GLIS3: variants seen among roughly 807,000 people sequenced by gnomAD.
The protein encoded by GLIS3 is GLIS family zinc finger 3.
Under a neutral mutation model 78.6 loss-of-function variants are expected in GLIS3, and 53 were observed. The ratio of observed to expected loss-of-function variants is 0.67; its 90% CI spans 0.54 to 0.85. GLIS3 has a LOEUF of 0.85. Ranked by LOEUF, GLIS3 falls within the 40% of genes least tolerant of loss-of-function variation. The pLI is 0.00. For synonymous variants in GLIS3, 684 were observed against 509.9 expected, an observed-to-expected ratio of 1.34 and a Z score of -4.60; for missense variants, 1,703 against 1,231.1, an observed-to-expected ratio of 1.38 and a Z score of -5.74.
chr9:4,358,063 A>G, the GLIS3 span, among the ~76,000 whole-genome samples: 4 of 152,208 alleles, frequency 2.6e-5, no homozygotes, highest in Non-Finnish European at 5.9e-5. Flanking sequence ...TGAGAAAAGC[A>G]AGGACAAGGG....
At chr9:4,439,709 G>A in the GLIS3 span, among the ~76,000 whole-genome samples, 1 of 152,164 alleles carries the variant, frequency 6.6e-6, no homozygotes, top group Admixed American at 6.5e-5. Context: ...GTCTCACTCT[G>A]TTGTCCAGGC....
At chr9:4,385,526 G>A in the GLIS3 span, among the ~76,000 whole-genome samples, 5 of 151,908 alleles carry the variant, frequency 3.3e-5, no homozygotes, top group African/African-American at 1.2e-4. Context: ...TTAGCCAGGT[G>A]TAGTGATGGG....
intron 2 of GLIS3, among the ~76,000 whole-genome samples, chr9:4,218,682 G>C (rs963840157): frequency 3.9e-5 from 6 of 152,082 alleles, no homozygotes; most frequent in African/African-American, 1.4e-4. Context: ...TAGTGCAAAT[G>C]GGAAAAAACT....
intron 4 of GLIS3, among the ~76,000 whole-genome samples, chr9:3,997,172 C>T (rs1168832762): frequency 6.6e-6 from 1 of 152,066 alleles, no homozygotes; most frequent in Non-Finnish European, 1.5e-5. Flanking sequence ...CATGGAAAAA[C>T]CCCGTCTCTA....
At chr9:4,352,590 C>T (rs781313640), upstream of GLIS3, among the ~76,000 whole-genome samples, 3 of 152,244 alleles carry the variant, frequency 2.0e-5, no homozygotes, top group Non-Finnish European at 4.4e-5. Context: ...GGTTAGGCTA[C>T]TTCTGTAGAG....
At chr9:4,228,198 C>CAA (rs59507597) in intron 2 of GLIS3, among the ~76,000 whole-genome samples, 9,335 of 106,740 alleles carry the variant, frequency 0.087, 1,264 homozygotes, top group African/African-American at 0.33. Context: ...TCTAAGGTGG[C>CAA]AAAAAAAAAA....
chr9:4,437,608 C>A, the GLIS3 span, among the ~76,000 whole-genome samples: 10 of 152,150 alleles, frequency 6.6e-5, no homozygotes, highest in Non-Finnish European at 1.0e-4. Flanking sequence ...GACCTCTGAA[C>A]AACATGGGCT....
intron 6 of GLIS3, among the ~76,000 whole-genome samples, chr9:3,918,503 A>C (rs1371635539): frequency 1.3e-5 from 2 of 152,188 alleles, no homozygotes; most frequent in Non-Finnish European, 2.9e-5. Context: ...GGCCGTCTTC[A>C]TGGTACCTTA....
At position 4,213,410 on chromosome 9, in the gene GLIS3, T is replaced by C. The variant is rs571224288; in HGVS notation, c.388+72628A>G. ...CCTTTGCAATGGAAGTATCCCCATGTTGATTTTCTCTGTCTTGTCACTAAA... is the reference window on the plus strand; with the variant it reads ...CCTTTGCAATGGAAGTATCCCCATGCTGATTTTCTCTGTCTTGTCACTAAA... On this transcript the variant is annotated intron_variant, in intron 2 of 10. Coordinates refer to ENST00000381971, the MANE Select transcript of GLIS3 (RefSeq NM_001042413.2). Among the ~76,000 whole-genome samples the C allele has an allele frequency of 3.9e-5, 6 of 152,340 alleles. No individual in the cohort carries two copies. In the East Asian group the frequency reaches 1.2e-3, roughly 29 times the overall value.
chr9:4,196,347 G>C (rs1389722595), intron 2 of GLIS3, among the ~76,000 whole-genome samples: 2 of 152,156 alleles, frequency 1.3e-5, no homozygotes, highest in South Asian at 2.1e-4. Flanking sequence ...GGTGGGGTCA[G>C]ATAAGGGAAT....
chr9:4,328,857 T>G (rs1817641034), intron 2 of GLIS3, among the ~76,000 whole-genome samples: 1 of 152,152 alleles, frequency 6.6e-6, no homozygotes, highest in South Asian at 2.1e-4. Context: ...CCAATAAATG[T>G]TCACTGTTAT....
chr9:4,327,359 G>A (rs1817616664), intron 2 of GLIS3, among the ~76,000 whole-genome samples: 1 of 152,136 alleles, frequency 6.6e-6, no homozygotes, highest in South Asian at 2.1e-4. Context: ...AGGAGAGGAG[G>A]ATGTGATATT....
At chr9:4,275,563 C>G (rs905324153) in intron 2 of GLIS3, among the ~76,000 whole-genome samples, 1 of 150,686 alleles carries the variant, frequency 6.6e-6, no homozygotes, top group African/African-American at 2.4e-5. Context: ...AGTTTGAGAC[C>G]ATCCTGGGCA....
chr9:3,834,934 C>T (rs758181557), intron 9 of GLIS3, among the ~76,000 whole-genome samples: 16 of 152,150 alleles, frequency 1.1e-4, no homozygotes, highest in Non-Finnish European at 1.8e-4. Context: ...CTTCAGATTG[C>T]AGGCCTAGCT....
At chr9:4,165,273 T>C (rs555459470) in intron 2 of GLIS3, among the ~76,000 whole-genome samples, 21 of 152,014 alleles carry the variant, frequency 1.4e-4, no homozygotes, top group Non-Finnish European at 2.5e-4. Context: ...AAACCCCATC[T>C]CTCCTAAAAA....
At chr9:4,156,479 C>G (rs1012947551) in intron 2 of GLIS3, among the ~76,000 whole-genome samples, 1 of 152,176 alleles carries the variant, frequency 6.6e-6, no homozygotes, top group Non-Finnish European at 1.5e-5. Flanking sequence ...TTAAGTATTA[C>G]AGACAGAATG....
At chr9:4,104,941 T>C (rs1019815320) in intron 4 of GLIS3, among the ~76,000 whole-genome samples, 1 of 152,160 alleles carries the variant, frequency 6.6e-6, no homozygotes, top group Admixed American at 6.5e-5. Context: ...ATAGAGATAG[T>C]TGTTAGAGGC....
chr9:4,094,288 G>A (rs533420271), intron 4 of GLIS3, among the ~76,000 whole-genome samples: 2 of 152,288 alleles, frequency 1.3e-5, no homozygotes, highest in African/African-American at 2.4e-5. Context: ...ATACTGTGTT[G>A]GTGAGATGTA....
At chr9:3,829,189 T>C in intron 10 of GLIS3, 121 bp downstream of exon 10, 1 of 827,444 alleles carries the variant, frequency 1.2e-6, no homozygotes, top group Non-Finnish European at 2.1e-6. Flanking sequence ...TCAGGGGTCG[T>C]TCAACAGGAT....
Sources: allele counts gnomAD v4.1 joint callset (sites outside exome capture counted in the v4.1 genomes callset), GRCh38; gene constraint gnomAD v4.1.1; transcripts MANE v1.5; gene names NCBI Gene and HGNC (gene_info 2026-07-23, HGNC 2026-07-21).